Variants in LRRIQ3 observed in about 807,000 individuals in gnomAD.
LRRIQ3 encodes leucine rich repeats and IQ motif containing 3.
A neutral mutation model predicts 59.3 loss-of-function variants in LRRIQ3; 75 were observed. The observed-to-expected ratio is 1.26, with a 90% CI of 1.05 to 1.53. The LOEUF is 1.53. LRRIQ3 is among the 40% of genes most tolerant of loss of function. The pLI is 0.00. For missense variants in LRRIQ3, 831 were observed against 710.0 expected, an observed-to-expected ratio of 1.17 and a Z score of -1.94; for synonymous variants, 250 against 231.3, an observed-to-expected ratio of 1.08 and a Z score of -0.73.
At chr1:74,159,403 C>A (rs1648531730) in intron 3 of LRRIQ3, among the ~76,000 whole-genome samples, 1 of 152,120 alleles carries the variant, frequency 6.6e-6, no homozygotes, top group Admixed American at 6.6e-5. Context: ...ATTTGATTAT[C>A]AATTGACTGT....
rs779874900 is a variant in LRRIQ3, at chr1:74,074,711, G to A, written c.947C>T (p.Pro316Leu). 1.4e-6 allele frequency: 2 copies of A among 1,456,986 alleles called. No individual in the cohort carries two copies. Among genetic ancestry groups the A allele is most frequent in the Admixed American group, 2.1e-5 (1 of 47,114 alleles). 90.3% of individuals were successfully genotyped at this position (1,456,986 alleles called of 1,614,324 possible). A position where few individuals can be genotyped will look rare whatever the true frequency, so the allele number is the denominator to read the frequency against. Residue 316 changes from proline to leucine, a missense_variant, in exon 6 of 8, where the codon CCA (proline) becomes CTA (leucine). Coordinates refer to ENST00000354431, the MANE Select transcript of LRRIQ3 (RefSeq NM_001105659.2). ...HVSSILCELK[P>L]KDLGMKSKTS... ...TTTTGATTTCATGCCTAGATCTTTT[G>A]GTTTTAATTCACATAAAATAGATGA...
intron 3 of LRRIQ3, among the ~76,000 whole-genome samples, chr1:74,169,918 AGTGTT>A (rs1228462489): frequency 6.6e-6 from 1 of 152,030 alleles, no homozygotes; most frequent in Non-Finnish European, 1.5e-5. Context: ...TATGATTAGT[AGTGTT>A]ATCTTTTCAT....
intron 6 of LRRIQ3, among the ~76,000 whole-genome samples, chr1:74,056,247 A>G (rs1276338436): frequency 6.6e-6 from 1 of 152,128 alleles, no homozygotes; most frequent in Non-Finnish European, 1.5e-5. Flanking sequence ...CATATATGAC[A>G]AAACCATAGC....
At chr1:74,181,523 C>T (rs1649975404) in intron 3 of LRRIQ3, 1 of 151,782 alleles carries the variant, frequency 6.6e-6, no homozygotes, top group African/African-American at 2.4e-5. Flanking sequence ...CTTCGATTAT[C>T]CTTAAAAGGG....
intron 4 of LRRIQ3, among the ~76,000 whole-genome samples, chr1:74,128,259 T>C (rs1342931542): frequency 1.3e-5 from 2 of 152,092 alleles, no homozygotes; most frequent in East Asian, 1.9e-4. Flanking sequence ...TTGACATCTT[T>C]CTCTAGGTTT....
intron 4 of LRRIQ3, among the ~76,000 whole-genome samples, chr1:74,141,857 A>C (rs2100638553): frequency 6.6e-6 from 1 of 152,044 alleles, no homozygotes; most frequent in African/African-American, 2.4e-5. Context: ...CTGGAGTATC[A>C]ACTGAAAAGC....
At chr1:74,080,001 C>T (rs138636391) in intron 5 of LRRIQ3, among the ~76,000 whole-genome samples, 210 of 151,788 alleles carry the variant, frequency 1.4e-3, no homozygotes, top group African/African-American at 4.7e-3. Flanking sequence ...CTGTTTATCA[C>T]GATTCTCTGA....
chr1:74,138,803 T>C (rs1242702958), intron 4 of LRRIQ3, among the ~76,000 whole-genome samples: 1 of 151,876 alleles, frequency 6.6e-6, no homozygotes, highest in African/African-American at 2.4e-5. Flanking sequence ...CTGGGTTACA[T>C]ATGAAATTCA....
intron 5 of LRRIQ3, among the ~76,000 whole-genome samples, chr1:74,080,973 T>C (rs1450854376): frequency 6.6e-6 from 1 of 151,576 alleles, no homozygotes; most frequent in East Asian, 1.9e-4. Context: ...ATGGTTCAAA[T>C]GGTTTAAAAT....
At chr1:74,153,772 T>G (rs1047799337) in intron 4 of LRRIQ3, among the ~76,000 whole-genome samples, 3 of 150,636 alleles carry the variant, frequency 2.0e-5, no homozygotes, top group Non-Finnish European at 4.4e-5. Context: ...TCCCAAACAT[T>G]TGTCCTAAAC....
chr1:74,086,179 T>C (rs535715965), intron 5 of LRRIQ3, among the ~76,000 whole-genome samples: 1 of 152,214 alleles, frequency 6.6e-6, no homozygotes, highest in East Asian at 1.9e-4. Flanking sequence ...TGAGACTTCA[T>C]CACCCCTTTC....
At chr1:74,083,496 G>C (rs1024048383) in intron 5 of LRRIQ3, 2 of 151,640 alleles carry the variant, frequency 1.3e-5, no homozygotes, top group Non-Finnish European at 3.0e-5. Context: ...AGAAATGCCT[G>C]CAAGTGACTG....
At chr1:74,130,313 G>T (rs2100607801) in intron 4 of LRRIQ3, among the ~76,000 whole-genome samples, 1 of 152,208 alleles carries the variant, frequency 6.6e-6, no homozygotes, top group East Asian at 1.9e-4. Context: ...CTATGGCTAT[G>T]GCTGATCTCA....
intron 5 of LRRIQ3, 54 bp downstream of exon 5, chr1:74,109,340 A>T: frequency 8.2e-7 from 1 of 1,226,634 alleles, no homozygotes; most frequent in Non-Finnish European, 1.1e-6. Flanking sequence ...CTAAATCATA[A>T]CTTTAATATC....
At chr1:74,112,055 T>C (rs1352485287) in intron 4 of LRRIQ3, among the ~76,000 whole-genome samples, 1 of 152,062 alleles carries the variant, frequency 6.6e-6, no homozygotes, top group East Asian at 1.9e-4. Context: ...TTACTCCAGA[T>C]CACTTGTAAG....
chr1:74,066,936 G>T (rs1275899142), intron 6 of LRRIQ3, among the ~76,000 whole-genome samples: 3 of 152,122 alleles, frequency 2.0e-5, no homozygotes, highest in Admixed American at 2.0e-4. Context: ...TAGCCCAGAA[G>T]TGACACACTT....
At chr1:74,187,566 G>A (rs1388878645) in intron 1 of LRRIQ3, among the ~76,000 whole-genome samples, 2 of 152,138 alleles carry the variant, frequency 1.3e-5, no homozygotes, top group East Asian at 3.9e-4. Context: ...ATGATATAAT[G>A]TACTTTGAGG....
At position 74,070,098 on chromosome 1, in the gene LRRIQ3, T is replaced by C. The variant is rs78286821; in HGVS notation, c.997+4563A>G. Among the ~76,000 whole-genome samples, 1,369 of 152,216 alleles carry C rather than the reference T, an allele frequency of 9.0e-3. 16 individuals carry two copies. The highest frequency in any genetic ancestry group is 0.021 in the Admixed American group (320 of 15,256). ...TGAAATAAAACTTCAGAATTACTATTTGGCCTAGCAATTCCATTATTGGAC... is the reference window on the plus strand; with the variant it reads ...TGAAATAAAACTTCAGAATTACTATCTGGCCTAGCAATTCCATTATTGGAC... On this transcript the variant is annotated intron_variant, in intron 6 of 7. Coordinates refer to ENST00000354431, the MANE Select transcript of LRRIQ3 (RefSeq NM_001105659.2).
chr1:74,121,108 T>A (rs1034184464), intron 4 of LRRIQ3, among the ~76,000 whole-genome samples: 2 of 152,158 alleles, frequency 1.3e-5, no homozygotes, highest in Non-Finnish European at 2.9e-5. Context: ...TATTATAGTC[T>A]TGTTCATTAA....
Sources: allele counts gnomAD v4.1 joint callset (sites outside exome capture counted in the v4.1 genomes callset), GRCh38; gene constraint gnomAD v4.1.1; transcripts MANE v1.5; gene names NCBI Gene and HGNC (gene_info 2026-07-23, HGNC 2026-07-21).